TSPAN10: variants seen among roughly 807,000 people sequenced by gnomAD.
TSPAN10 encodes the protein tetraspanin-10.
TSPAN10 carries 11 observed loss-of-function variants against 15.0 expected under a neutral mutation model. The ratio of observed to expected loss-of-function variants is 0.73; its 90% CI spans 0.46 to 1.21. The LOEUF is 1.21. Among genes scored for constraint, TSPAN10 ranks in the 50% most tolerant of loss-of-function variants. The pLI is 0.00. For synonymous variants in TSPAN10, 241 were observed against 226.2 expected, an observed-to-expected ratio of 1.07 and a Z score of -0.59; for missense variants, 486 against 470.6, an observed-to-expected ratio of 1.03 and a Z score of -0.30.
upstream of TSPAN10, among the ~76,000 whole-genome samples, chr17:81,639,957 G>A (rs773772182): frequency 6.6e-6 from 1 of 151,632 alleles, no homozygotes; most frequent in Non-Finnish European, 1.5e-5. Flanking sequence ...TCCAGCCTGG[G>A]CGACAGAGCA....
At chr17:81,642,753 C>T (rs1598709238) in intron 1 of TSPAN10, among the ~76,000 whole-genome samples, 6 of 152,312 alleles carry the variant, frequency 3.9e-5, no homozygotes, top group African/African-American at 1.4e-4. Flanking sequence ...TGCAGCCAGC[C>T]TCCAACGGCC....
upstream of TSPAN10, chr17:81,642,337 C>T: frequency 6.3e-7 from 1 of 1,580,068 alleles, no homozygotes; most frequent in Non-Finnish European, 8.7e-7. Context: ...AGGACCAGCC[C>T]AGCAGCCCAG....
chr17:81,640,944 G>A (rs991466565), upstream of TSPAN10, among the ~76,000 whole-genome samples: 5 of 151,924 alleles, frequency 3.3e-5, no homozygotes, highest in South Asian at 2.1e-4. Flanking sequence ...AGGAGGAGGC[G>A]GGCAGATCAC....
At chr17:81,637,449 A>G (rs2036118193), upstream of TSPAN10, 1 of 636,472 alleles carries the variant, frequency 1.6e-6, no homozygotes, top group Non-Finnish European at 2.7e-6. Flanking sequence ...TCACACCTTC[A>G]TGTTTTTTTT....
At chr17:81,645,122 C>T (rs1390645893) in exon 2 of TSPAN10, 2 of 1,582,098 alleles carry the variant, frequency 1.3e-6, no homozygotes, top group South Asian at 2.3e-5. Context: ...AAGCACCAGG[C>T]CTTGAGTGGC....
intron 1 of TSPAN10, among the ~76,000 whole-genome samples, chr17:81,643,032 G>A (rs1254827682): frequency 6.7e-6 from 1 of 148,952 alleles, no homozygotes; most frequent in Non-Finnish European, 1.5e-5. Flanking sequence ...TTTAGATAGA[G>A]TCTCGCTCTG....
At chr17:81,647,871 C>A (rs746773974) in intron 2 of TSPAN10, 30 bp from the exon 4 acceptor site, 2 of 1,585,798 alleles carry the variant, frequency 1.3e-6, no homozygotes, top group African/African-American at 2.7e-5. Context: ...GCCCTCCCCG[C>A]CAGAACTGAC....
upstream of TSPAN10, among the ~76,000 whole-genome samples, chr17:81,640,657 C>T (rs1248262635): frequency 6.6e-6 from 1 of 152,020 alleles, no homozygotes; most frequent in Non-Finnish European, 1.5e-5. Flanking sequence ...ACCATGTTGG[C>T]CAGGCTGGTC....
At chr17:81,644,203 C>G (rs1028808210) in intron 1 of TSPAN10, among the ~76,000 whole-genome samples, 2 of 152,130 alleles carry the variant, frequency 1.3e-5, no homozygotes, top group African/African-American at 4.8e-5. Flanking sequence ...CAGAACTGGG[C>G]ACCTGCGGGG....
At chr17:81,647,013 G>C (rs543401555) in intron 2 of TSPAN10, among the ~76,000 whole-genome samples, 10 of 152,156 alleles carry the variant, frequency 6.6e-5, no homozygotes, top group African/African-American at 2.4e-4. Context: ...CAGGACAGAC[G>C]ATATGCACTC....
intron 1 of TSPAN10, among the ~76,000 whole-genome samples, 189 bp from the exon 3 acceptor site, chr17:81,644,803 C>T (rs528805318): frequency 1.3e-5 from 2 of 152,364 alleles, no homozygotes; most frequent in East Asian, 1.9e-4. Flanking sequence ...TGCTGCTCAG[C>T]CGAGCGGGAC....
At chr17:81,645,051 T>C in exon 2 of TSPAN10, 9 of 1,593,106 alleles carry the variant, frequency 5.6e-6, no homozygotes, top group Non-Finnish European at 7.7e-6. Flanking sequence ...GCTGCCTAGG[T>C]CCAGTGCCCA....
chr17:81,642,430 G>T lies in TSPAN10; in HGVS notation c.18G>T (p.Arg6Ser), dbSNP rs2036187479. 4 of 1,612,338 alleles carry T rather than the reference G, an allele frequency of 2.5e-6. No individual in the cohort carries two copies. The Admixed American group carries it at 6.7e-5, about 27-fold the overall frequency. Residue 6 changes from arginine (R) to serine (S), a missense_variant, in exon 1 of 3, where the codon AGG becomes AGT. Arg to Ser is a moderately radical substitution (Grantham distance 110, BLOSUM62 -1). Coordinates refer to ENST00000611590, the Ensembl canonical transcript of TSPAN10. Reference sequence around the variant, plus strand: ...CGTCAAGGATGGAGGAGGGGGAGAGGAGCCCCTTACTGTCCCAGGTGAGCC... The same window carrying T: ...CGTCAAGGATGGAGGAGGGGGAGAGTAGCCCCTTACTGTCCCAGGTGAGCC...
At chr17:81,639,664 C>T (rs1454165247), upstream of TSPAN10, among the ~76,000 whole-genome samples, 2 of 150,174 alleles carry the variant, frequency 1.3e-5, no homozygotes, top group Non-Finnish European at 3.0e-5. Flanking sequence ...GTGGCTCACG[C>T]CTGTCATCCC....
At chr17:81,644,777 C>A (rs1057378215) in intron 1 of TSPAN10, among the ~76,000 whole-genome samples, 8 of 152,376 alleles carry the variant, frequency 5.3e-5, no homozygotes, top group African/African-American at 1.9e-4. Context: ...AGAGCTGGGA[C>A]CCTCACTGCC....
upstream of TSPAN10, among the ~76,000 whole-genome samples, chr17:81,640,388 T>C (rs7405845): frequency 0.5 from 76,668 of 151,902 alleles, 21,274 homozygotes; most frequent in East Asian, 0.99. Context: ...TGTCTCTCCA[T>C]GTGTCCCACC....
exon 1 of TSPAN10, chr17:81,637,398 C>T (rs1051406280): frequency 2.1e-5 from 15 of 700,568 alleles, no homozygotes; most frequent in African/African-American, 5.2e-5. Context: ...AACTTCTCTC[C>T]ATGCACAGGT....
exon 3 of TSPAN10, chr17:81,648,090 C>G: frequency 6.3e-7 from 1 of 1,586,550 alleles, no homozygotes. Flanking sequence ...GGTGGCTGCG[C>G]GCGAACCTGG....
chr17:81,643,566 C>G (rs1192336879), intron 1 of TSPAN10, among the ~76,000 whole-genome samples: 3 of 38,140 alleles, frequency 7.9e-5, no homozygotes, highest in Non-Finnish European at 1.2e-4. Context: ...AGCCGAGATC[C>G]CGCCACTGCA....
Sources: allele counts gnomAD v4.1 joint callset (sites outside exome capture counted in the v4.1 genomes callset), GRCh38; gene constraint gnomAD v4.1.1; transcripts MANE v1.5; gene names NCBI Gene and HGNC (gene_info 2026-07-23, HGNC 2026-07-21).